The following PHF8 variants were observed in gnomAD, a reference collection of about 807,000 sequenced individuals.
PHF8 encodes the protein PHD finger protein 8, also known as histone lysine demethylase PHF8.
Under a neutral mutation model 74.4 loss-of-function variants are expected in PHF8, and 9 were observed. The observed-to-expected ratio is 0.12, with a 90% CI of 0.07 to 0.21. PHF8 has a LOEUF of 0.21. Ranked by LOEUF, PHF8 falls within the 10% of genes least tolerant of loss-of-function variation. PHF8 has a pLI of 1.00. For missense variants in PHF8, 478 were observed against 816.6 expected, an observed-to-expected ratio of 0.59 and a Z score of 5.05; for synonymous variants, 311 against 316.6, an observed-to-expected ratio of 0.98 and a Z score of 0.19.
Position 53,938,521 on chromosome X carries a change from G to A in PHF8, c.*637C>T, listed in dbSNP as rs1023631556. On this transcript the variant is annotated 3_prime_UTR_variant, in exon 22 of 22. Coordinates refer to ENST00000338154, the MANE Select transcript of PHF8 (RefSeq NM_015107.3). The stretch of plus-strand genomic sequence containing the variant: ...AAGTGATAGGAATCACCTTTCTTTT[G>A]AAAGGTAAGTGAAGTTGGCATTTCT... The A allele has an allele frequency of 1.3e-6, 1 of 760,495 alleles. No homozygotes were observed. Among genetic ancestry groups the A allele is most frequent in the Non-Finnish European group, 1.6e-6 (1 of 643,339 alleles). 62.7% of individuals were successfully genotyped at this position (760,495 alleles called of 1,213,427 possible).
At chrX:53,939,626 G>T (rs2064718772) in intron 21 of PHF8, among the ~76,000 whole-genome samples, 1 of 111,114 alleles carries the variant, frequency 9.0e-6, no homozygotes, top group Admixed American at 9.6e-5. Context: ...CAGTGTCCCT[G>T]AAGTTGCCAT....
chrX:54,001,658 T>C (rs1004736996), intron 10 of PHF8, among the ~76,000 whole-genome samples: 9 of 112,283 alleles, frequency 8.0e-5, no homozygotes, highest in Non-Finnish European at 1.5e-4. Flanking sequence ...GGCTCATGCC[T>C]GTAACCCCAG....
chrX:54,045,989 C>G, upstream of PHF8, among the ~76,000 whole-genome samples: 1 of 36,247 alleles, frequency 2.8e-5, no homozygotes, highest in Admixed American at 5.3e-4. Context: ...GACAAGGTCT[C>G]ACTCTGTCAA....
At chrX:54,042,950 A>T (rs112408152) in intron 1 of PHF8, 130 bp from the exon 2 acceptor site, 7 of 564,594 alleles carry the variant, frequency 1.2e-5, no homozygotes, top group African/African-American at 9.9e-5. Flanking sequence ...GTAGGGGGCA[A>T]CCAGAGAAAG....
chrX:53,954,816 A>G (rs1557088208), intron 19 of PHF8, among the ~76,000 whole-genome samples: 1 of 111,049 alleles, frequency 9.0e-6, no homozygotes, highest in African/African-American at 3.3e-5. Context: ...CTCTATCCCA[A>G]TATTCTTTAA....
chrX:54,035,432 A>T (rs1557113808), intron 2 of PHF8, among the ~76,000 whole-genome samples: 1 of 106,080 alleles, frequency 9.4e-6, no homozygotes, highest in East Asian at 2.8e-4. Context: ...GCAGTTGCTT[A>T]TGGTAAGTTA....
intron 8 of PHF8, among the ~76,000 whole-genome samples, chrX:54,006,239 T>C (rs1398680891): frequency 8.9e-6 from 1 of 111,776 alleles, no homozygotes; most frequent in Non-Finnish European, 1.9e-5. Context: ...CCCAGCACTT[T>C]AGGAAGCCGA....
chrX:54,036,409 C>T (rs2066456381), intron 2 of PHF8, among the ~76,000 whole-genome samples: 1 of 107,537 alleles, frequency 9.3e-6, no homozygotes, highest in African/African-American at 3.4e-5. Flanking sequence ...AATTAAACAA[C>T]ATACTTCTAT....
intron 19 of PHF8, among the ~76,000 whole-genome samples, chrX:53,961,039 T>A (rs2065096499): frequency 9.1e-6 from 1 of 110,126 alleles, no homozygotes; most frequent in Admixed American, 9.7e-5. Context: ...TTTTTTTTTT[T>A]GAGATGGAGT....
intron 11 of PHF8, among the ~76,000 whole-genome samples, chrX:53,999,202 G>C (rs1460067234): frequency 2.7e-5 from 3 of 111,660 alleles, no homozygotes; most frequent in Non-Finnish European, 5.6e-5. Flanking sequence ...ACCCGGGACA[G>C]CAAGACCAAC....
intron 8 of PHF8, among the ~76,000 whole-genome samples, chrX:54,008,153 G>T (rs375787803): frequency 1.5e-4 from 17 of 110,851 alleles, no homozygotes; most frequent in African/African-American, 5.2e-4. Flanking sequence ...CAGATCACGT[G>T]GTCAACAGAT....
At chrX:53,958,566 G>C (rs782367571) in intron 19 of PHF8, among the ~76,000 whole-genome samples, 174 of 104,102 alleles carry the variant, frequency 1.7e-3, no homozygotes, top group African/African-American at 5.7e-3. Context: ...CGGATCACGA[G>C]GTCAGGAGAT....
At chrX:54,044,532 G>GGGCGGGGCGCCACCTTGAGAAAGGA (rs1557116962), upstream of PHF8, 2 of 419,834 alleles carry the variant, frequency 4.8e-6, no homozygotes, top group Non-Finnish European at 6.0e-6. Flanking sequence ...CGTCATCGGG[G>GGGCGGGGCGCCACCTTGAGAAAGGA]GGGCGGGGCG....
chrX:53,946,550 G>C lies in PHF8; in HGVS notation c.2540-2307C>G, dbSNP rs782456389. ...AGTAAGCAAACAGACAAATCTAGAAGGTAGGACATGCTACAGGGCAATTAC... is the reference window on the plus strand; with the variant it reads ...AGTAAGCAAACAGACAAATCTAGAACGTAGGACATGCTACAGGGCAATTAC... On this transcript the variant is annotated intron_variant, in intron 19 of 21. Transcript: ENST00000338154. 3.6e-5 allele frequency among the ~76,000 whole-genome samples: 4 copies of C among 111,996 alleles called. No homozygotes were observed. The South Asian group carries it at 1.5e-3, about 42-fold the overall frequency.
intron 20 of PHF8, chrX:53,942,756 C>T (rs2064771734): frequency 2.7e-6 from 2 of 751,078 alleles, no homozygotes; most frequent in South Asian, 1.4e-4. Context: ...GGTAAGGGAT[C>T]TGATAGGGTA....
At chrX:54,011,421 A>C in intron 7 of PHF8, 137 bp from the exon 8 acceptor site, 1 of 515,625 alleles carries the variant, frequency 1.9e-6, no homozygotes, top group African/African-American at 2.3e-5. Flanking sequence ...AACCCATCCA[A>C]TTATCATTTC....
In PHF8 at chrX:53,937,954, G is replaced by A. The variant is rs782429222; in HGVS notation, c.*1204C>T. On this transcript the variant is annotated 3_prime_UTR_variant, in exon 22 of 22. Coordinates refer to ENST00000338154, the MANE Select transcript of PHF8 (RefSeq NM_015107.3). ...TCCACGAAGGAAGGACAGGGGAAGG[G>A]GAGGATCGGATGGATGGTCTGCTCC... 8.9e-7 allele frequency: 1 copy of A among 1,124,637 alleles called. No homozygotes were observed. Among genetic ancestry groups the A allele is most frequent in the Non-Finnish European group, 1.2e-6 (1 of 837,224 alleles). The allele number at this position is 1,124,637 out of a possible 1,213,427, so 92.7% of individuals were successfully genotyped here. A position where few individuals can be genotyped will look rare whatever the true frequency, so the allele number is the denominator to read the frequency against.
intron 8 of PHF8, among the ~76,000 whole-genome samples, chrX:54,006,690 C>T (rs1177167469): frequency 1.8e-5 from 2 of 111,430 alleles, no homozygotes; most frequent in Non-Finnish European, 3.8e-5. Flanking sequence ...AATCCCAGCA[C>T]TTTGGGAGGC....
chrX:54,036,573 A>G (rs2066460535), intron 2 of PHF8, among the ~76,000 whole-genome samples: 1 of 90,580 alleles, frequency 1.1e-5, no homozygotes, highest in African/African-American at 4.8e-5. Flanking sequence ...CACTGTCTCA[A>G]AAAAAAAAAA....
Sources: gnomAD v4.1 joint callset for allele counts (sites outside exome capture counted in the v4.1 genomes callset) on GRCh38, gnomAD v4.1.1 for gene constraint, MANE v1.5 for transcripts, NCBI Gene and HGNC (gene_info 2026-07-23, HGNC 2026-07-21) for gene names.